The following GNAS-AS1 variants were observed in gnomAD, a reference collection of about 807,000 sequenced individuals.
The protein encoded by GNAS-AS1 is GNAS antisense RNA 1 (non-protein coding).
chr20:58,819,513 G>A (rs1033865842), intron 4 of GNAS-AS1, among the ~76,000 whole-genome samples: 1 of 152,122 alleles, frequency 6.6e-6, no homozygotes, highest in African/African-American at 2.4e-5. Flanking sequence ...TTTTTCTGAT[G>A]GGGGGAGAGC....
exon 4 of GNAS-AS1, chr20:58,842,022 A>G (rs2085752153): frequency 2.6e-6 from 2 of 773,696 alleles, no homozygotes; most frequent in East Asian, 6.7e-5. Context: ...AGTCGTCGAA[A>G]AGGAGGCAGG....
At chr20:58,846,226 C>T (rs941114928) in intron 2 of GNAS-AS1, among the ~76,000 whole-genome samples, 18 of 152,124 alleles carry the variant, frequency 1.2e-4, no homozygotes, top group East Asian at 7.7e-4. Flanking sequence ...TAAAGAAAGT[C>T]GTTTGAAGGA....
chr20:58,830,458 C>CCACACCACCATCAT (rs2085554605), intron 4 of GNAS-AS1, among the ~76,000 whole-genome samples: 1 of 62,864 alleles, frequency 1.6e-5, no homozygotes. Context: ...ACCACCATCA[C>CCACACCACCATCAT]CACCACCACA....
At chr20:58,830,648 C>T (rs2085562524) in intron 4 of GNAS-AS1, among the ~76,000 whole-genome samples, 1 of 137,408 alleles carries the variant, frequency 7.3e-6, no homozygotes, top group Non-Finnish European at 1.6e-5. Flanking sequence ...CACCACCACA[C>T]CACCATCACC....
At position 58,841,222 on chromosome 20, in the gene GNAS-AS1, G is replaced by T; in HGVS notation, n.819+715C>A. On this transcript the variant is annotated intron_variant and non_coding_transcript_variant, in intron 4 of 4. Transcript: ENST00000424094. This position sits in a 1 kb window ranked among gnomAD's most constrained non-coding sequence, Gnocchi z 5.0. ...GGAGCTGCACACCCAAACGGCATTG[G>T]TAAGTCACTTGTTTTGCGCGCTTTT... is the stretch of plus-strand genomic sequence containing the variant. The T allele has an allele frequency of 1.4e-6, 1 of 728,636 alleles. No individual in the cohort carries two copies. Among genetic ancestry groups the T allele is most frequent in the Non-Finnish European group, 1.8e-6 (1 of 543,920 alleles). The allele number at this position is 728,636 out of a possible 1,614,324, so 45.1% of individuals were successfully genotyped here.
intron 4 of GNAS-AS1, among the ~76,000 whole-genome samples, chr20:58,837,588 G>A (rs6513416): frequency 0.03 from 4,616 of 152,252 alleles, 242 homozygotes; most frequent in African/African-American, 0.11. Flanking sequence ...AACTACAAGC[G>A]TGCGTCAACA....
rs1208595553 is a variant in GNAS-AS1, at chr20:58,840,193, C to T, written n.819+1744G>A. The T allele has an allele frequency of 1.2e-6, 2 of 1,611,354 alleles. No individual in the cohort carries two copies. The highest frequency in any genetic ancestry group is 1.7e-6 in the Non-Finnish European group (2 of 1,179,910). ...GCCCGCCCATAGGCCGCCGGGCAGC[C>T]ACCGCGCTCCTCTGGCTCTCCTGCT... On this transcript the variant is annotated intron_variant and non_coding_transcript_variant, in intron 4 of 4. Coordinates refer to ENST00000424094, the Ensembl canonical transcript of GNAS-AS1. This position sits in a 1 kb window ranked among gnomAD's most constrained non-coding sequence, Gnocchi z 6.0.
intron 2 of GNAS-AS1, among the ~76,000 whole-genome samples, chr20:58,847,214 T>C (rs1451976505): frequency 6.6e-6 from 1 of 152,198 alleles, no homozygotes; most frequent in African/African-American, 2.4e-5. Flanking sequence ...TCTGAGCATA[T>C]CAAGTATTTT....
At chr20:58,827,625 G>A (rs900908227) in intron 4 of GNAS-AS1, among the ~76,000 whole-genome samples, 1 of 152,238 alleles carries the variant, frequency 6.6e-6, no homozygotes, top group Non-Finnish European at 1.5e-5. Flanking sequence ...CAGCCCAGAC[G>A]ATGAGGTGAT....
At chr20:58,849,941 A>G (rs2086090481) in intron 1 of GNAS-AS1, among the ~76,000 whole-genome samples, 1 of 152,218 alleles carries the variant, frequency 6.6e-6, no homozygotes, top group South Asian at 2.1e-4. Context: ...TCCTGCCAAA[A>G]TAGCCTCAAA....
intron 4 of GNAS-AS1, chr20:58,823,999 C>T (rs758981970): frequency 2.5e-6 from 1 of 398,584 alleles, no homozygotes; most frequent in Non-Finnish European, 4.4e-6. Flanking sequence ...AAATCCCCCA[C>T]AGGGAGATAC....
intron 2 of GNAS-AS1, among the ~76,000 whole-genome samples, chr20:58,844,754 C>T (rs1014389203): frequency 4.0e-5 from 6 of 151,656 alleles, no homozygotes; most frequent in Non-Finnish European, 5.9e-5. Context: ...CTAGGTATCG[C>T]GCCATTGCAC....
intron 2 of GNAS-AS1, among the ~76,000 whole-genome samples, chr20:58,845,992 C>A (rs1483307894): frequency 6.6e-6 from 1 of 152,136 alleles, no homozygotes; most frequent in East Asian, 1.9e-4. Context: ...TAGCAGGGCA[C>A]ATGGCTATGA....
At position 58,840,263 on chromosome 20, in the gene GNAS-AS1, C is replaced by A; in HGVS notation, n.819+1674G>T. The A allele has an allele frequency of 6.2e-7, 1 of 1,611,788 alleles. No homozygotes were observed. The highest frequency in any genetic ancestry group is 8.5e-7 in the Non-Finnish European group (1 of 1,179,886). On this transcript the variant is annotated intron_variant and non_coding_transcript_variant, in intron 4 of 4. Coordinates refer to ENST00000424094, the Ensembl canonical transcript of GNAS-AS1. This position sits in a 1 kb window ranked among gnomAD's most constrained non-coding sequence, Gnocchi z 6.0. Reference sequence around the variant, plus strand: ...CCTTGCCACCTCCAACGCCCGTGCCCAGCAGCGCGCGGCTGCCCAACAGCG... The same window carrying A: ...CCTTGCCACCTCCAACGCCCGTGCCAAGCAGCGCGCGGCTGCCCAACAGCG...
intron 4 of GNAS-AS1, among the ~76,000 whole-genome samples, chr20:58,820,411 G>A (rs535831632): frequency 1.2e-4 from 18 of 152,322 alleles, no homozygotes; most frequent in Non-Finnish European, 4.4e-5. Flanking sequence ...CTACCCGAGG[G>A]AGCTCTCCAA....
chr20:58,821,717 G>C (rs1300872474), intron 4 of GNAS-AS1, among the ~76,000 whole-genome samples: 1 of 152,192 alleles, frequency 6.6e-6, no homozygotes, highest in Non-Finnish European at 1.5e-5. Context: ...CATGTACATG[G>C]CTCTGAAGGA....
At chr20:58,845,194 T>C (rs1275594165) in intron 2 of GNAS-AS1, among the ~76,000 whole-genome samples, 2 of 152,208 alleles carry the variant, frequency 1.3e-5, no homozygotes, top group Non-Finnish European at 2.9e-5. Flanking sequence ...GGAACATTGG[T>C]TGAGTGACCA....
exon 1 of GNAS-AS1, chr20:58,850,812 T>C: frequency 2.5e-6 from 1 of 398,722 alleles, no homozygotes; most frequent in Non-Finnish European, 4.4e-6. Flanking sequence ...GTCCTCGTGG[T>C]CTTCCAGGCC....
At chr20:58,820,334 G>A (rs533732719) in intron 4 of GNAS-AS1, among the ~76,000 whole-genome samples, 1 of 152,354 alleles carries the variant, frequency 6.6e-6, no homozygotes, top group Middle Eastern at 3.4e-3. Flanking sequence ...CGAGCCTCTA[G>A]AAGCACCAGG....
Sources: gnomAD v4.1 joint callset for allele counts (sites outside exome capture counted in the v4.1 genomes callset) on GRCh38, gnomAD v4.1.1 for gene constraint, Gnocchi (gnomAD v3.1) non-coding constraint, MANE v1.5 for transcripts, NCBI Gene and HGNC (gene_info 2026-07-23, HGNC 2026-07-21) for gene names.